CDYL: variants seen among roughly 807,000 people sequenced by gnomAD.
The protein encoded by CDYL is chromodomain Y like, also known as chromodomain Y-like protein.
Under a neutral mutation model 47.3 loss-of-function variants are expected in CDYL, and 8 were observed. The observed-to-expected ratio is 0.17, with a 90% CI of 0.10 to 0.31. CDYL has a LOEUF of 0.31. Ranked by LOEUF, CDYL falls within the 10% of genes least tolerant of loss-of-function variation. The pLI, the probability that CDYL is intolerant of heterozygous loss-of-function variation, is 1.00. For missense variants in CDYL, 471 were observed against 701.4 expected (o/e 0.67, Z 3.71); for synonymous variants, 266 against 265.0 (o/e 1.00, Z -0.04).
intron 2 of CDYL, among the ~76,000 whole-genome samples, chr6:4,918,377 C>G (rs200234258): frequency 2.0e-4 from 30 of 150,294 alleles, no homozygotes; most frequent in African/African-American, 7.3e-4. Context: ...CTGCCCCCCC[C>G]CCTTTTTTTT....
At chr6:4,715,816 A>T (rs749493194) in exon 2 of CDYL, 5 of 1,614,194 alleles carry the variant, frequency 3.1e-6, no homozygotes, top group Non-Finnish European at 4.2e-6. Context: ...GCCTGGGGAA[A>T]AAGCAGGAAG....
chr6:4,900,122 C>T (rs1455815078), intron 2 of CDYL, among the ~76,000 whole-genome samples: 1 of 152,178 alleles, frequency 6.6e-6, no homozygotes, highest in African/African-American at 2.4e-5. Flanking sequence ...CCAAATTCCC[C>T]AGAGAGAACA....
intron 3 of CDYL, among the ~76,000 whole-genome samples, chr6:4,737,054 T>C (rs1372429495): frequency 6.6e-6 from 1 of 151,900 alleles, no homozygotes; most frequent in East Asian, 1.9e-4. Flanking sequence ...CTCTGGGGAG[T>C]AGAGATGGAA....
intron 2 of CDYL, among the ~76,000 whole-genome samples, chr6:4,732,533 A>C (rs1757623368): frequency 1.3e-5 from 2 of 151,846 alleles, no homozygotes; most frequent in African/African-American, 4.8e-5. Flanking sequence ...ATAGTGGTGA[A>C]TGCCTGCAGT....
Position 4,892,001 on chromosome 6 carries a change from C to G in CDYL, c.313C>G (p.His105Asp), listed in dbSNP as rs1414956038. 6.2e-7 allele frequency: 1 copy of G among 1,614,144 alleles called. No homozygotes were observed. Among genetic ancestry groups the G allele is most frequent in the Non-Finnish European group, 8.5e-7 (1 of 1,180,032 alleles). The change falls in exon 2 of 7, where the codon CAC becomes GAC. Residue 105 changes from histidine (H) to aspartate (D), a missense_variant. Physicochemically the swap from His to Asp is moderately conservative, Grantham distance 81 (BLOSUM62 -1). This residue lies in a region of CDYL where 311 missense variants were observed against 350.0 expected (regional missense o/e 0.89). Coordinates refer to ENST00000397588, the MANE Select transcript of CDYL (RefSeq NM_004824.4). The part of the protein sequence containing the change: ...SPKALVIGKD[H>D]ESKNSQLFAA... The stretch of plus-strand genomic sequence containing the variant: ...TAAGGCACTCGTGATTGGGAAAGAC[C>G]ACGAATCCAAAAACAGCCAGCTGTT...
At chr6:4,940,856 A>G (rs1758342361) in intron 4 of CDYL, among the ~76,000 whole-genome samples, 1 of 152,150 alleles carries the variant, frequency 6.6e-6, no homozygotes, top group Admixed American at 6.5e-5. Context: ...CCTGACCTGT[A>G]CCCCATTAGT....
At chr6:4,838,908 A>G (rs1479110889) in intron 1 of CDYL, among the ~76,000 whole-genome samples, 2 of 152,004 alleles carry the variant, frequency 1.3e-5, no homozygotes, top group Admixed American at 1.3e-4. Flanking sequence ...GCTGGTCTTG[A>G]ACTCCTGACC....
At chr6:4,803,223 G>T (rs1759275731) in intron 1 of CDYL, among the ~76,000 whole-genome samples, 1 of 152,120 alleles carries the variant, frequency 6.6e-6, no homozygotes, top group Non-Finnish European at 1.5e-5. Flanking sequence ...TTCCTGTGAG[G>T]TGCCTGTTGA....
intron 1 of CDYL, among the ~76,000 whole-genome samples, chr6:4,881,069 T>C (rs1761749611): frequency 6.6e-6 from 1 of 152,194 alleles, no homozygotes; most frequent in African/African-American, 2.4e-5. Flanking sequence ...CATTTGTAGA[T>C]AGCATGTACT....
intron 1 of CDYL, among the ~76,000 whole-genome samples, chr6:4,879,765 G>A (rs1193745483): frequency 6.6e-6 from 1 of 151,972 alleles, no homozygotes; most frequent in East Asian, 1.9e-4. Flanking sequence ...TCACCATGTT[G>A]GCCAGGCTAG....
At chr6:4,935,433 C>G in intron 2 of CDYL, 82 bp from the exon 3 acceptor site, 1 of 1,209,982 alleles carries the variant, frequency 8.3e-7, no homozygotes, top group Non-Finnish European at 1.2e-6. Flanking sequence ...TAATGAACAT[C>G]TTTATCCAAT....
chr6:4,934,825 T>C (rs1758138653), intron 2 of CDYL, among the ~76,000 whole-genome samples: 1 of 152,206 alleles, frequency 6.6e-6, no homozygotes, highest in Non-Finnish European at 1.5e-5. Flanking sequence ...GTTGCTGCTG[T>C]TGAGCTGTGA....
chr6:4,735,305 A>G (rs897363306), intron 3 of CDYL, among the ~76,000 whole-genome samples: 2 of 152,120 alleles, frequency 1.3e-5, no homozygotes, highest in Non-Finnish European at 2.9e-5. Context: ...AAAAGAAAAA[A>G]AAAAGGACGT....
At chr6:4,857,835 T>A (rs954875697) in intron 1 of CDYL, among the ~76,000 whole-genome samples, 9 of 152,236 alleles carry the variant, frequency 5.9e-5, no homozygotes, top group Admixed American at 1.3e-4. Context: ...ATTGCTGTGT[T>A]CCTTGAACCC....
chr6:4,882,982 C>A (rs1581233661), intron 1 of CDYL, among the ~76,000 whole-genome samples: 1 of 152,242 alleles, frequency 6.6e-6, no homozygotes, highest in East Asian at 1.9e-4. Flanking sequence ...CACGTGATAA[C>A]CCATGAGATG....
chr6:4,852,803 G>GTTTTTTTGTTTTTTTTTT (rs1163412177), intron 1 of CDYL, among the ~76,000 whole-genome samples: 1 of 147,544 alleles, frequency 6.8e-6, no homozygotes, highest in African/African-American at 2.7e-5. Flanking sequence ...GGGTTTCTTT[G>GTTTTTTTGTTTTTTTTTT]TTCTTTTTTT....
intron 1 of CDYL, among the ~76,000 whole-genome samples, chr6:4,878,551 C>CATG (rs2127476816): frequency 6.6e-6 from 1 of 151,978 alleles, no homozygotes; most frequent in Admixed American, 6.5e-5. Flanking sequence ...AACATGTCTA[C>CATG]TTTTACGATG....
chr6:4,804,584 T>G (rs1490843754), intron 1 of CDYL, among the ~76,000 whole-genome samples: 2 of 152,200 alleles, frequency 1.3e-5, no homozygotes, highest in Non-Finnish European at 2.9e-5. Flanking sequence ...GAGGCTTATT[T>G]TGCTCATCAC....
At chr6:4,843,119 A>G (rs1445859106) in intron 1 of CDYL, among the ~76,000 whole-genome samples, 1 of 152,188 alleles carries the variant, frequency 6.6e-6, no homozygotes, top group Non-Finnish European at 1.5e-5. Flanking sequence ...AAGGAGGCTA[A>G]GGATAGCCCT....
Sources: gnomAD v4.1 joint callset for allele counts (sites outside exome capture counted in the v4.1 genomes callset) on GRCh38, gnomAD v4.1.1 for gene constraint, gnomAD v4.1.1 regional missense constraint, MANE v1.5 for transcripts, NCBI Gene and HGNC (gene_info 2026-07-23, HGNC 2026-07-21) for gene names.